Variants in PLA2R1 observed in about 807,000 individuals in gnomAD.
PLA2R1 encodes the protein secretory phospholipase A2 receptor.
PLA2R1 carries 158 observed loss-of-function variants against 195.9 expected under a neutral mutation model. The observed-to-expected ratio is 0.81, with a 90% CI of 0.71 to 0.92. PLA2R1 has a LOEUF of 0.92. Ranked by LOEUF, PLA2R1 falls within the 40% of genes least tolerant of loss-of-function variation. The pLI, the probability that PLA2R1 is intolerant of heterozygous loss-of-function variation, is 0.00. For missense variants in PLA2R1, 1,626 were observed against 1,764.6 expected, an observed-to-expected ratio of 0.92 and a Z score of 1.41; for synonymous variants, 586 against 598.2, an observed-to-expected ratio of 0.98 and a Z score of 0.30.
intron 8 of PLA2R1, among the ~76,000 whole-genome samples, chr2:160,019,023 T>G (rs186606019): frequency 6.6e-6 from 1 of 152,318 alleles, no homozygotes; most frequent in Admixed American, 6.5e-5. Flanking sequence ...TCAGCAGCTA[T>G]CTTGATCAAA....
chr2:159,959,182 TATTA>T (rs1253785315), intron 20 of PLA2R1, among the ~76,000 whole-genome samples: 1 of 152,218 alleles, frequency 6.6e-6, no homozygotes, highest in Non-Finnish European at 1.5e-5. Flanking sequence ...GAGTGGCACA[TATTA>T]ATTATTGGGA....
intron 20 of PLA2R1, among the ~76,000 whole-genome samples, chr2:159,957,444 T>C (rs1479080115): frequency 6.6e-6 from 1 of 152,042 alleles, no homozygotes; most frequent in Non-Finnish European, 1.5e-5. Context: ...AACCTCTGCC[T>C]CCTGGGTTCA....
chr2:160,051,244 G>T (rs35375687), intron 1 of PLA2R1, among the ~76,000 whole-genome samples: 15,830 of 152,230 alleles, frequency 0.1, 1,198 homozygotes, highest in Admixed American at 0.27. Context: ...AAGTTCCAGT[G>T]CATGGTTCAC....
rs781240982 is a variant in PLA2R1 at position 160,013,326 on chromosome 2, C to T, written c.1601G>A (p.Arg534Gln). 22 of 1,611,466 alleles carry T rather than the reference C, an allele frequency of 1.4e-5. No individual in the cohort carries two copies. The highest frequency in any genetic ancestry group is 1.1e-4 in the South Asian group (10 of 90,984). The change falls in exon 10 of 30, where the codon CGA becomes CAA. Residue 534 changes from arginine (R) to glutamine (Q), a missense_variant. Transcript: ENST00000283243. The part of the protein sequence containing the change: ...GFCYKIDTVL[R>Q]SFDQASSGYY... ...ACCGCTGGAAGCTTGGTCAAAGCTT[C>T]GAAGGACTGTGTCAATTTTGTAACA...
At chr2:159,982,115 G>A (rs1191651797) in intron 13 of PLA2R1, among the ~76,000 whole-genome samples, 1 of 152,212 alleles carries the variant, frequency 6.6e-6, no homozygotes, top group Admixed American at 6.5e-5. Context: ...CAGTGTGTGT[G>A]TGGTTGTCAT....
At chr2:160,033,345 T>C (rs982315334) in intron 3 of PLA2R1, among the ~76,000 whole-genome samples, 4 of 152,276 alleles carry the variant, frequency 2.6e-5, no homozygotes, top group East Asian at 1.9e-4. Flanking sequence ...TAAAGAAATA[T>C]AAGAAATCAC....
At chr2:160,043,002 G>A (rs1028788709) in intron 2 of PLA2R1, among the ~76,000 whole-genome samples, 4 of 152,014 alleles carry the variant, frequency 2.6e-5, no homozygotes, top group Non-Finnish European at 4.4e-5. Context: ...TAGAAAAGAG[G>A]TGATCCAGCA....
chr2:160,027,745 T>TATCTAA, intron 6 of PLA2R1, among the ~76,000 whole-genome samples: 1 of 152,200 alleles, frequency 6.6e-6, no homozygotes, highest in Non-Finnish European at 1.5e-5. Context: ...AGATATTATT[T>TATCTAA]AAGTATTAAC....
At chr2:159,962,131 TC>T (rs1162328883) in intron 20 of PLA2R1, among the ~76,000 whole-genome samples, 1 of 152,006 alleles carries the variant, frequency 6.6e-6, no homozygotes, top group African/African-American at 2.4e-5. Flanking sequence ...TTGCAATCTA[TC>T]CATCTGACAA....
intron 15 of PLA2R1, 58 bp from the exon 16 acceptor site, chr2:159,976,778 G>A: frequency 2.3e-6 from 3 of 1,286,376 alleles, no homozygotes; most frequent in Non-Finnish European, 3.4e-6. Flanking sequence ...CATTGTCTGT[G>A]AATTACTTCA....
At chr2:160,024,322 G>T (rs1693358313) in intron 6 of PLA2R1, among the ~76,000 whole-genome samples, 1 of 152,170 alleles carries the variant, frequency 6.6e-6, no homozygotes, top group African/African-American at 2.4e-5. Context: ...TCTACCTGGT[G>T]TGGCCAAGTT....
intron 7 of PLA2R1, among the ~76,000 whole-genome samples, chr2:160,022,223 G>A (rs1201294656): frequency 6.6e-6 from 1 of 152,130 alleles, no homozygotes; most frequent in South Asian, 2.1e-4. Context: ...TATACATGGG[G>A]AACAGTCTGA....
intron 1 of PLA2R1, among the ~76,000 whole-genome samples, chr2:160,055,497 G>A (rs139741952): frequency 1.9e-3 from 282 of 152,318 alleles, no homozygotes; most frequent in African/African-American, 6.1e-3. Context: ...TGGAAGGAGG[G>A]GTTTGGAAAA....
chr2:159,995,922 A>G (rs1475848076), intron 11 of PLA2R1, among the ~76,000 whole-genome samples: 2 of 152,036 alleles, frequency 1.3e-5, no homozygotes, highest in Non-Finnish European at 1.5e-5. Flanking sequence ...ACAGTCACCC[A>G]AAGTCCCTCT....
At position 159,969,340 on chromosome 2, in the gene PLA2R1, C is replaced by T; in HGVS notation, c.2680G>A (p.Val894Met). Residue 894 changes from valine (V) to methionine (M), a missense_variant, in exon 19 of 30, where the codon GTG (valine) becomes ATG (methionine). Val to Met is a conservative substitution (Grantham distance 21). Transcript: ENST00000283243. ...CCTGTGTCCCAGTTCTGGTATATCA[C>T]TGGTGTTCCATCTCTCCAGCTGTGG... ...DEFRWRDGTP[V>M]IYQNWDTGRE... 2.5e-6 allele frequency: 4 copies of T among 1,598,464 alleles called. No individual in the cohort carries two copies. The highest frequency in any genetic ancestry group is 2.6e-6 in the Non-Finnish European group (3 of 1,166,034).
chr2:159,937,864 T>C lies in PLA2R1; in HGVS notation c.*3914A>G, dbSNP rs1686907102. 1.3e-5 allele frequency: 2 copies of C among 152,238 alleles called. No homozygotes were observed. The highest frequency in any genetic ancestry group is 1.3e-4 in the Admixed American group (2 of 15,290). The allele number at this position is 152,238 out of a possible 1,614,324, so 9.4% of individuals were successfully genotyped here. A position where few individuals can be genotyped will look rare whatever the true frequency, so the allele number is the denominator to read the frequency against. On this transcript the variant is annotated 3_prime_UTR_variant, in exon 30 of 30. Transcript: ENST00000283243. The stretch of plus-strand genomic sequence containing the variant: ...GGATCTACAGAATGAGTTTACAATT[T>C]CTTTATTAAAAGAAGCTTCACTGAC...
At chr2:160,058,339 C>A (rs1006918646) in intron 1 of PLA2R1, among the ~76,000 whole-genome samples, 1 of 152,136 alleles carries the variant, frequency 6.6e-6, no homozygotes, top group African/African-American at 2.4e-5. Flanking sequence ...GGCAAGCACA[C>A]TGACCACACA....
At chr2:160,023,073 A>T (rs1693247610) in intron 6 of PLA2R1, among the ~76,000 whole-genome samples, 1 of 152,162 alleles carries the variant, frequency 6.6e-6, no homozygotes, top group Non-Finnish European at 1.5e-5. Context: ...GAACCTCAGT[A>T]TTTCATTTTC....
Position 159,944,994 on chromosome 2 carries a change from A to G in PLA2R1, c.4056T>C (p.His1352=). The change falls in exon 28 of 30, where the codon CAT becomes CAC. Residue 1352 remains histidine, a synonymous_variant. Transcript: ENST00000283243. ...RKPDTDYFKP[H]HCVALRIPEG... Reference sequence around the variant, plus strand: ...CAGGGATCCTCAAGGCAACACAATGATGGGGCTTGAAGTAGTCTGTGTCTG... The same window carrying G: ...CAGGGATCCTCAAGGCAACACAATGGTGGGGCTTGAAGTAGTCTGTGTCTG... 1 of 1,613,686 alleles carries G rather than the reference A, an allele frequency of 6.2e-7. No individual in the cohort carries two copies. The highest frequency in any genetic ancestry group is 8.5e-7 in the Non-Finnish European group (1 of 1,179,740).
Sources: allele counts gnomAD v4.1 joint callset (sites outside exome capture counted in the v4.1 genomes callset), GRCh38; gene constraint gnomAD v4.1.1; transcripts MANE v1.5; gene names NCBI Gene and HGNC (gene_info 2026-07-23, HGNC 2026-07-21).